KDM2B: variants seen among roughly 807,000 people sequenced by gnomAD.
KDM2B encodes the protein lysine demethylase 2B, also known as lysine-specific demethylase 2B.
Under a neutral mutation model 150.0 loss-of-function variants are expected in KDM2B, and 26 were observed. That is an observed-to-expected ratio of 0.17 (90% confidence interval 0.13 to 0.24). KDM2B has a LOEUF of 0.24. Ranked by LOEUF, KDM2B falls within the 10% of genes least tolerant of loss-of-function variation. KDM2B has a pLI of 1.00. For synonymous variants in KDM2B, 734 were observed against 729.5 expected (o/e 1.01, Z -0.10); for missense variants, 1,265 against 1,816.9 (o/e 0.70, Z 5.52).
intron 11 of KDM2B, among the ~76,000 whole-genome samples, chr12:121,505,082 A>C (rs1167661217): frequency 3.4e-5 from 5 of 147,588 alleles, no homozygotes; most frequent in Non-Finnish European, 7.4e-5. Context: ...ACGCCACTGC[A>C]CTCCAGCCTG....
chr12:121,451,463 C>T (rs1435532892), intron 13 of KDM2B, among the ~76,000 whole-genome samples: 1 of 147,734 alleles, frequency 6.8e-6, no homozygotes, highest in Non-Finnish European at 1.5e-5. Context: ...CAGATGGTGC[C>T]CCAACCCTTG....
intron 1 of KDM2B, among the ~76,000 whole-genome samples, chr12:121,579,212 C>A (rs1891745752): frequency 1.3e-5 from 2 of 152,274 alleles, no homozygotes; most frequent in African/African-American, 4.8e-5. Flanking sequence ...GGGGACCCTC[C>A]CCTGCCCCCC....
intron 4 of KDM2B, among the ~76,000 whole-genome samples, chr12:121,553,655 G>A (rs932844527): frequency 1.3e-5 from 2 of 152,142 alleles, no homozygotes; most frequent in African/African-American, 4.8e-5. Context: ...GGTAGGTAGC[G>A]TTACCGAGTC....
In KDM2B at chr12:121,547,626, CTG is replaced by C. The variant is rs1271684937; in HGVS notation, c.683+1249_683+1250del. Among the ~76,000 whole-genome samples, 3 of 150,788 alleles carry C rather than the reference CTG, an allele frequency of 2.0e-5. No individual in the cohort carries two copies. The East Asian group carries it at 5.9e-4, about 29-fold the overall frequency. On this transcript the variant is annotated intron_variant, in intron 6 of 22. Transcript: ENST00000377071. ...GAGCAATGGCCCTGCCTGGGACAGC[CTG>C]TGTCTCCTTCCCCTTCCTTTTTTTT...
chr12:121,416,146 T>C, the KDM2B span: 4 of 1,610,228 alleles, frequency 2.5e-6, no homozygotes, highest in Non-Finnish European at 3.4e-6. Flanking sequence ...GTGGGATTTG[T>C]GTTCCTTTTT....
chr12:121,486,964 C>T (rs1593917037), intron 12 of KDM2B, among the ~76,000 whole-genome samples: 1 of 132,176 alleles, frequency 7.6e-6, no homozygotes, highest in African/African-American at 2.7e-5. Context: ...CATAGTGAGA[C>T]CCCCCCGATA....
rs1003840099 is a variant in KDM2B at position 121,549,753 on chromosome 12, C to T, written c.398-115G>A. The T allele has an allele frequency of 7.0e-5, 63 of 906,414 alleles. No individual in the cohort carries two copies. The Admixed American group carries it at 1.7e-3, about 24-fold the overall frequency. 56.1% of individuals were successfully genotyped at this position (906,414 alleles called of 1,614,324 possible). Reference sequence around the variant, plus strand: ...TCCACGTTTCCCCACAGTCCTCACCCCTCTTCCTCATCTGTTCAATTACCT... The same window carrying T: ...TCCACGTTTCCCCACAGTCCTCACCTCTCTTCCTCATCTGTTCAATTACCT... On this transcript the variant is annotated intron_variant, in intron 4 of 22. Transcript: ENST00000377071. The surrounding 1 kb of genome is among the most constrained non-coding windows in gnomAD (Gnocchi z 4.4).
rs1555287834 is a variant in KDM2B at position 121,440,089 on chromosome 12, A to G, written c.3611-14T>C. 5.1e-6 allele frequency: 8 copies of G among 1,581,198 alleles called. No homozygotes were observed. The South Asian group carries it at 9.1e-5, about 18-fold the overall frequency. ...TGTCCATCTGACCTGGTGGGGCAGG[A>G]AGGAGGGGGCAACCCGTCAATCTGA... On this transcript the variant is annotated splice_polypyrimidine_tract_variant and intron_variant, in intron 21 of 22. Transcript: ENST00000377071.
intron 4 of KDM2B, among the ~76,000 whole-genome samples, chr12:121,574,125 G>A (rs1273458379): frequency 5.9e-5 from 9 of 152,098 alleles, no homozygotes; most frequent in East Asian, 1.9e-4. Context: ...TGCTGAGCTC[G>A]CAGTTCCAAG....
downstream of KDM2B, among the ~76,000 whole-genome samples, chr12:121,426,446 C>T (rs933450714): frequency 2.1e-5 from 3 of 141,960 alleles, no homozygotes; most frequent in Non-Finnish European, 3.0e-5. Context: ...CTACCCCCTC[C>T]CCCCCCTTTT....
intron 8 of KDM2B, among the ~76,000 whole-genome samples, chr12:121,522,813 A>T (rs1248865386): frequency 3.9e-5 from 6 of 152,188 alleles, no homozygotes; most frequent in African/African-American, 1.4e-4. Flanking sequence ...GCACCACTGC[A>T]CTCCAGCCTG....
chr12:121,548,802 TC>T lies in KDM2B; in HGVS notation c.683+74del. On this transcript the variant is annotated intron_variant, in intron 6 of 22. Coordinates refer to ENST00000377071, the MANE Select transcript of KDM2B (RefSeq NM_032590.5). The stretch of plus-strand genomic sequence containing the variant: ...AAGCCTTCACTGATGGCCAGGAGCC[TC>T]CTTCCCACCTCCCCACCTCCCCAAG... The T allele has an allele frequency of 1.5e-5, 17 of 1,130,012 alleles. No individual in the cohort carries two copies. In the South Asian group the frequency reaches 2.2e-4, roughly 14 times the overall value. The allele number at this position is 1,130,012 out of a possible 1,614,324, so 70.0% of individuals were successfully genotyped here.
intron 11 of KDM2B, among the ~76,000 whole-genome samples, chr12:121,498,344 G>A (rs552587595): frequency 4.6e-5 from 7 of 152,202 alleles, no homozygotes; most frequent in African/African-American, 1.7e-4. Context: ...AATAGGGAAC[G>A]GTGAGGCCTG....
intron 22 of KDM2B, among the ~76,000 whole-genome samples, chr12:121,436,250 G>A (rs570349285): frequency 1.2e-4 from 19 of 152,318 alleles, no homozygotes; most frequent in South Asian, 4.1e-4. Context: ...GGCCGGACGC[G>A]GTGGCTCACG....
At chr12:121,534,209 C>T (rs1171094668) in intron 7 of KDM2B, among the ~76,000 whole-genome samples, 4 of 151,868 alleles carry the variant, frequency 2.6e-5, no homozygotes, top group South Asian at 2.1e-4. Flanking sequence ...ATTAGCAGGG[C>T]GTGGTAGCAG....
chr12:121,500,255 C>A (rs1220269552), intron 11 of KDM2B, among the ~76,000 whole-genome samples: 1 of 152,168 alleles, frequency 6.6e-6, no homozygotes, highest in East Asian at 1.9e-4. Flanking sequence ...CTCTCGGCAG[C>A]ACAGATATAA....
At chr12:121,506,456 T>C (rs1555302974) in intron 11 of KDM2B, among the ~76,000 whole-genome samples, 2 of 152,126 alleles carry the variant, frequency 1.3e-5, no homozygotes, top group African/African-American at 2.4e-5. Flanking sequence ...CCAATTTTCA[T>C]GGAACCCTCA....
chr12:121,578,483 G>A (rs1207163900), intron 2 of KDM2B, among the ~76,000 whole-genome samples: 1 of 152,078 alleles, frequency 6.6e-6, no homozygotes, highest in African/African-American at 2.4e-5. Context: ...TCGGGGAGGG[G>A]GAGGACGCGG....
In KDM2B at chr12:121,452,084, T is replaced by C. The variant is rs553777779; in HGVS notation, c.1959+1036A>G. On this transcript the variant is annotated intron_variant, in intron 13 of 22. Transcript: ENST00000377071. This position sits in a 1 kb window ranked among gnomAD's most constrained non-coding sequence, Gnocchi z 4.4. Reference sequence around the variant, plus strand: ...CAATTACTGCATAATTCCACTTCTATGAGGTCCCGAGAGGAGTCAAGCTCT... The same window carrying C: ...CAATTACTGCATAATTCCACTTCTACGAGGTCCCGAGAGGAGTCAAGCTCT... 1.3e-5 allele frequency among the ~76,000 whole-genome samples: 2 copies of C among 152,150 alleles called. No homozygotes were observed. Among genetic ancestry groups the C allele is most frequent in the Admixed American group, 1.3e-4 (2 of 15,286 alleles).
Sources: gnomAD v4.1 joint callset for allele counts (sites outside exome capture counted in the v4.1 genomes callset) on GRCh38, gnomAD v4.1.1 for gene constraint, Gnocchi (gnomAD v3.1) non-coding constraint, MANE v1.5 for transcripts, NCBI Gene and HGNC (gene_info 2026-07-23, HGNC 2026-07-21) for gene names.